The following HARBI1 variants were observed in gnomAD, a reference collection of about 807,000 sequenced individuals.
The protein encoded by HARBI1 is putative nuclease HARBI1.
HARBI1 carries 15 observed loss-of-function variants against 25.3 expected under a neutral mutation model. The ratio of observed to expected loss-of-function variants is 0.59; its 90% CI spans 0.40 to 0.91. The LOEUF (loss-of-function observed/expected upper bound fraction) is 0.91. Ranked by LOEUF, HARBI1 falls within the 40% of genes least tolerant of loss-of-function variation. The pLI, the probability that HARBI1 is intolerant of heterozygous loss-of-function variation, is 0.00. For missense variants in HARBI1, 396 were observed against 445.8 expected (o/e 0.89, Z 1.01); for synonymous variants, 168 against 160.5 (o/e 1.05, Z -0.35).
intron 2 of HARBI1, among the ~76,000 whole-genome samples, chr11:46,615,192 A>G (rs1292693584): frequency 6.7e-6 from 1 of 149,166 alleles, no homozygotes; most frequent in Non-Finnish European, 1.5e-5. Flanking sequence ...GATAACAGGC[A>G]TGAGCTACAC....
At chr11:46,605,585 ACCT>A (rs1231792674) in intron 2 of HARBI1, among the ~76,000 whole-genome samples, 1 of 131,936 alleles carries the variant, frequency 7.6e-6, no homozygotes, top group Non-Finnish European at 1.6e-5. Context: ...CCCAGGTATA[ACCT>A]TTTTTTTTTT....
intron 1 of HARBI1, chr11:46,616,625 G>T: frequency 9.9e-7 from 1 of 1,012,558 alleles, no homozygotes; most frequent in Non-Finnish European, 1.2e-6. Flanking sequence ...AACACCAAAA[G>T]AATAATGGAG....
At chr11:46,607,180 T>G (rs908487173) in intron 2 of HARBI1, among the ~76,000 whole-genome samples, 1 of 149,660 alleles carries the variant, frequency 6.7e-6, no homozygotes, top group Non-Finnish European at 1.5e-5. Context: ...GAAAACTGTT[T>G]GAACCTGGGA....
At chr11:46,605,015 A>G (rs1487680015) in intron 2 of HARBI1, among the ~76,000 whole-genome samples, 1 of 152,148 alleles carries the variant, frequency 6.6e-6, no homozygotes, top group Non-Finnish European at 1.5e-5. Context: ...GTCCTGACTC[A>G]CTGTCACTAC....
rs559220162 is a variant in HARBI1 at position 46,615,650 on chromosome 11, G to C, written c.588C>G (p.Ser196Arg). Residue 196 changes from serine to arginine, a missense_variant, in exon 2 of 3, where the codon AGC becomes AGG. Transcript: ENST00000326737. Reference protein sequence around the residue: ...LMTVETNWPGSLQDCAVLQQS... With the variant: ...LMTVETNWPGRLQDCAVLQQS... Reference sequence around the variant, plus strand: ...GCTGCAGCACAGCACAGTCCTGTAGGCTGCCGGGCCAGTTTGTCTCCACGG... The same window carrying C: ...GCTGCAGCACAGCACAGTCCTGTAGCCTGCCGGGCCAGTTTGTCTCCACGG... 6.2e-7 allele frequency: 1 copy of C among 1,614,202 alleles called. No homozygotes were observed. The highest frequency in any genetic ancestry group is 2.2e-5 in the East Asian group (1 of 44,890).
At chr11:46,604,619 C>CTTG (rs1235321643) in intron 2 of HARBI1, 9 of 985,054 alleles carry the variant, frequency 9.1e-6, no homozygotes, top group African/African-American at 3.5e-5. Context: ...TCTAAAAGCA[C>CTTG]TACCAAGGGA....
At chr11:46,611,767 T>A (rs1346204940) in intron 2 of HARBI1, among the ~76,000 whole-genome samples, 2 of 150,980 alleles carry the variant, frequency 1.3e-5, no homozygotes, top group Non-Finnish European at 2.9e-5. Flanking sequence ...GAAATCAGCT[T>A]GGAACCCAAG....
At chr11:46,608,491 C>T (rs2045043674) in intron 2 of HARBI1, among the ~76,000 whole-genome samples, 1 of 152,110 alleles carries the variant, frequency 6.6e-6, no homozygotes, top group East Asian at 1.9e-4. Context: ...GTTGCCCAGA[C>T]TGGAGTGCAA....
chr11:46,613,418 G>T (rs1049104520), intron 2 of HARBI1, among the ~76,000 whole-genome samples: 2 of 151,632 alleles, frequency 1.3e-5, no homozygotes, highest in African/African-American at 4.9e-5. Context: ...AAAAATTAAG[G>T]CTCAATTGTA....
chr11:46,608,927 C>CT (rs764380300), intron 2 of HARBI1, among the ~76,000 whole-genome samples: 3,154 of 133,846 alleles, frequency 0.024, 107 homozygotes, highest in African/African-American at 0.075. Context: ...TTTTTTTTTT[C>CT]TTTTTTTTTT....
intron 2 of HARBI1, among the ~76,000 whole-genome samples, chr11:46,611,098 C>T (rs1010761882): frequency 6.7e-6 from 1 of 149,958 alleles, no homozygotes; most frequent in Non-Finnish European, 1.5e-5. Context: ...AACTCCACCT[C>T]CCGGGTTCAC....
intron 2 of HARBI1, among the ~76,000 whole-genome samples, chr11:46,606,896 G>A (rs990508469): frequency 1.3e-5 from 2 of 152,174 alleles, no homozygotes; most frequent in African/African-American, 4.8e-5. Context: ...CCCGCTTCAG[G>A]AGGAACTCCC....
intron 2 of HARBI1, among the ~76,000 whole-genome samples, chr11:46,612,637 A>C (rs1000620647): frequency 6.5e-4 from 99 of 152,086 alleles, no homozygotes; most frequent in African/African-American, 2.3e-3. Flanking sequence ...TTTTATGCAG[A>C]TATCACAGTG....
At chr11:46,613,208 A>G (rs1272471590) in intron 2 of HARBI1, among the ~76,000 whole-genome samples, 2 of 150,800 alleles carry the variant, frequency 1.3e-5, no homozygotes, top group African/African-American at 4.9e-5. Flanking sequence ...TTGAACTCCA[A>G]CTCTTGACCT....
Position 46,615,672 on chromosome 11 carries a change from A to G in HARBI1, c.566T>C (p.Val189Ala). Reference protein sequence around the residue: ...VCDIRGTLMTVETNWPGSLQD... With the variant: ...VCDIRGTLMTAETNWPGSLQD... The stretch of plus-strand genomic sequence containing the variant: ...TAGGCTGCCGGGCCAGTTTGTCTCC[A>G]CGGTCATTAGTGTCCCTCTAATGTC... The change falls in exon 2 of 3, where the codon GTG becomes GCG. Residue 189 changes from valine to alanine, a missense_variant. Val to Ala is a moderately conservative substitution (Grantham distance 64, BLOSUM62 0). Coordinates refer to ENST00000326737, the MANE Select transcript of HARBI1 (RefSeq NM_173811.4). 1 of 1,614,184 alleles carries G rather than the reference A, an allele frequency of 6.2e-7. No individual in the cohort carries two copies. The highest frequency in any genetic ancestry group is 1.7e-5 in the Admixed American group (1 of 60,010).
chr11:46,612,678 T>C (rs1238879796), intron 2 of HARBI1, among the ~76,000 whole-genome samples: 2 of 151,988 alleles, frequency 1.3e-5, no homozygotes, highest in African/African-American at 4.8e-5. Context: ...AATTTTTTTT[T>C]TTTTTTTTTG....
At chr11:46,605,310 C>A (rs2044896392) in intron 2 of HARBI1, among the ~76,000 whole-genome samples, 1 of 152,054 alleles carries the variant, frequency 6.6e-6, no homozygotes, top group African/African-American at 2.4e-5. Context: ...ACCTTCCAGC[C>A]TCCTACCTCA....
intron 2 of HARBI1, among the ~76,000 whole-genome samples, chr11:46,614,049 CA>C (rs2045286621): frequency 6.6e-6 from 1 of 151,866 alleles, no homozygotes; most frequent in Non-Finnish European, 1.5e-5. Flanking sequence ...TTTTGTTTTG[CA>C]TATGTATAAA....
At chr11:46,617,861 G>A (rs1000952883), upstream of HARBI1, 16 of 399,034 alleles carry the variant, frequency 4.0e-5, no homozygotes, top group African/African-American at 3.3e-4. Flanking sequence ...ATGAGAGCCC[G>A]GAACCACTCT....
Sources: gnomAD v4.1 joint callset for allele counts (sites outside exome capture counted in the v4.1 genomes callset) on GRCh38, gnomAD v4.1.1 for gene constraint, MANE v1.5 for transcripts, NCBI Gene and HGNC (gene_info 2026-07-23, HGNC 2026-07-21) for gene names.